RSRC1: variants seen among roughly 807,000 people sequenced by gnomAD.
RSRC1 encodes serine/Arginine-related protein 53.
RSRC1 carries 39 observed loss-of-function variants against 49.1 expected under a neutral mutation model. That is an observed-to-expected ratio of 0.79 (90% CI 0.61 to 1.04). The LOEUF (loss-of-function observed/expected upper bound fraction) is 1.04. Ranked by LOEUF, RSRC1 falls within the 50% of genes least tolerant of loss-of-function variation. The pLI is 0.00. For missense variants in RSRC1, 388 were observed against 402.4 expected, an observed-to-expected ratio of 0.96 and a Z score of 0.31; for synonymous variants, 143 against 130.8, an observed-to-expected ratio of 1.09 and a Z score of -0.63.
intron 7 of RSRC1, 70 bp from the exon 8 acceptor site, chr3:158,537,022 A>C: frequency 1.1e-6 from 1 of 891,612 alleles, no homozygotes; most frequent in Non-Finnish European, 1.8e-6. Flanking sequence ...CATAGAAAGA[A>C]CATTGCTTAG....
intron 4 of RSRC1, among the ~76,000 whole-genome samples, chr3:158,212,602 T>G (rs975522200): frequency 5.3e-5 from 8 of 151,944 alleles, no homozygotes; most frequent in Non-Finnish European, 1.2e-4. Flanking sequence ...TGTATATGGT[T>G]ACAGGGCAGA....
At chr3:158,217,076 A>G (rs144720952) in intron 4 of RSRC1, among the ~76,000 whole-genome samples, 1,590 of 151,814 alleles carry the variant, frequency 0.01, 11 homozygotes, top group Admixed American at 0.016. Context: ...CTGAAGTTCA[A>G]TATATTCAAA....
chr3:158,295,906 A>G (rs1036793393), intron 4 of RSRC1, among the ~76,000 whole-genome samples: 1 of 152,096 alleles, frequency 6.6e-6, no homozygotes, highest in Non-Finnish European at 1.5e-5. Flanking sequence ...CTACCCTGAA[A>G]TGAAGCTATT....
chr3:158,454,175 ATTCT>A (rs1313484514), intron 6 of RSRC1, among the ~76,000 whole-genome samples: 1 of 152,058 alleles, frequency 6.6e-6, no homozygotes, highest in African/African-American at 2.4e-5. Context: ...TCTTCCCTCC[ATTCT>A]TTCTTTTAAT....
At chr3:158,482,488 T>A (rs116163604) in intron 7 of RSRC1, among the ~76,000 whole-genome samples, 2,574 of 152,090 alleles carry the variant, frequency 0.017, 73 homozygotes, top group African/African-American at 0.059. Context: ...CAGATGGAAG[T>A]TTATCTTAGA....
At chr3:158,327,640 C>T (rs1413291064) in intron 5 of RSRC1, among the ~76,000 whole-genome samples, 8 of 151,948 alleles carry the variant, frequency 5.3e-5, no homozygotes, top group Non-Finnish European at 7.4e-5. Flanking sequence ...CTGAGGAGTG[C>T]TTTACTTCCA....
intron 3 of RSRC1, among the ~76,000 whole-genome samples, chr3:158,158,261 T>C (rs1717999157): frequency 6.6e-6 from 1 of 151,838 alleles, no homozygotes; most frequent in Non-Finnish European, 1.5e-5. Flanking sequence ...CTTACAACAG[T>C]TTTTTTTCAA....
At chr3:158,515,425 C>T (rs186009043) in intron 7 of RSRC1, among the ~76,000 whole-genome samples, 1 of 128,704 alleles carries the variant, frequency 7.8e-6, no homozygotes, top group Non-Finnish European at 1.6e-5. Flanking sequence ...TGAATATTGG[C>T]CCCGACTCTC....
intron 5 of RSRC1, among the ~76,000 whole-genome samples, chr3:158,307,862 A>G (rs913693268): frequency 6.6e-6 from 1 of 151,916 alleles, no homozygotes; most frequent in Non-Finnish European, 1.5e-5. Flanking sequence ...GATTTAACAG[A>G]TGTGCTATTT....
intron 7 of RSRC1, among the ~76,000 whole-genome samples, chr3:158,508,162 C>A (rs1739955111): frequency 1.3e-5 from 2 of 152,032 alleles, no homozygotes; most frequent in African/African-American, 4.8e-5. Context: ...TTTAGTCTTT[C>A]AATGAGGATA....
intron 5 of RSRC1, among the ~76,000 whole-genome samples, chr3:158,336,212 A>T (rs923669157): frequency 2.6e-5 from 4 of 152,306 alleles, no homozygotes; most frequent in African/African-American, 9.6e-5. Context: ...GTAACATCCT[A>T]TGGTCCTACG....
At chr3:158,419,947 C>G (rs1734949617) in intron 6 of RSRC1, among the ~76,000 whole-genome samples, 1 of 151,864 alleles carries the variant, frequency 6.6e-6, no homozygotes. Flanking sequence ...TTCACTAACT[C>G]AAACACATAC....
chr3:158,218,522 G>T (rs1391962381), intron 4 of RSRC1, among the ~76,000 whole-genome samples: 2 of 151,686 alleles, frequency 1.3e-5, no homozygotes, highest in South Asian at 4.1e-4. Flanking sequence ...TACATTGGAA[G>T]ATGGCAGGGT....
chr3:158,269,165 T>C (rs1725365113), intron 4 of RSRC1, among the ~76,000 whole-genome samples: 1 of 152,194 alleles, frequency 6.6e-6, no homozygotes, highest in Admixed American at 6.5e-5. Context: ...TTTCCAGTTT[T>C]AATTATTCTG....
intron 6 of RSRC1, among the ~76,000 whole-genome samples, chr3:158,391,934 G>A (rs947878367): frequency 6.6e-6 from 1 of 152,200 alleles, no homozygotes; most frequent in East Asian, 1.9e-4. Flanking sequence ...AGCACAGCTA[G>A]AGTGAAATAA....
At chr3:158,345,030 C>T (rs575159685) in intron 5 of RSRC1, among the ~76,000 whole-genome samples, 35 of 151,724 alleles carry the variant, frequency 2.3e-4, no homozygotes, top group African/African-American at 7.2e-4. Context: ...ACCAGTCTGG[C>T]CAACATGGTG....
At chr3:158,531,138 G>C (rs1712376915) in intron 7 of RSRC1, among the ~76,000 whole-genome samples, 1 of 150,814 alleles carries the variant, frequency 6.6e-6, no homozygotes, top group African/African-American at 2.4e-5. Context: ...GACACAAAGA[G>C]GTATGTCCCC....
intron 3 of RSRC1, among the ~76,000 whole-genome samples, chr3:158,174,934 C>G (rs1370751540): frequency 1.7e-4 from 26 of 152,050 alleles, no homozygotes. Context: ...TAAATCCCTA[C>G]CATTGGTATA....
At chr3:158,176,382 C>G (rs1021059427) in intron 3 of RSRC1, among the ~76,000 whole-genome samples, 1 of 152,288 alleles carries the variant, frequency 6.6e-6, no homozygotes, top group Non-Finnish European at 1.5e-5. Context: ...GGAGGCATCA[C>G]GCTACCTGAC....
Sources: allele counts gnomAD v4.1 joint callset (sites outside exome capture counted in the v4.1 genomes callset), GRCh38; gene constraint gnomAD v4.1.1; transcripts MANE v1.5; gene names NCBI Gene and HGNC (gene_info 2026-07-23, HGNC 2026-07-21).